The following CSMD1 variants were observed in gnomAD, a reference collection of about 807,000 sequenced individuals.
The protein encoded by CSMD1 is CUB and Sushi multiple domains 1.
CSMD1 carries 213 observed loss-of-function variants against 417.5 expected under a neutral mutation model. That is an observed-to-expected ratio of 0.51 (90% CI 0.46 to 0.57). The LOEUF is 0.57. Ranked by LOEUF, CSMD1 falls within the 20% of genes least tolerant of loss-of-function variation. The pLI, the probability that CSMD1 is intolerant of heterozygous loss-of-function variation, is 0.00. For missense variants in CSMD1, 6,923 were observed against 4,529.7 expected (o/e 1.53, Z -15.17); for synonymous variants, 2,862 against 1,736.8 (o/e 1.65, Z -16.11).
intron 5 of CSMD1, among the ~76,000 whole-genome samples, chr8:3,950,627 G>C (rs1811538301): frequency 6.6e-6 from 1 of 152,196 alleles, no homozygotes; most frequent in Non-Finnish European, 1.5e-5. Context: ...GCAGGAACGT[G>C]TTTGATCTTT....
intron 3 of CSMD1, among the ~76,000 whole-genome samples, chr8:4,230,927 C>T (rs773180214): frequency 1.3e-5 from 2 of 149,648 alleles, no homozygotes; most frequent in African/African-American, 2.6e-5. Flanking sequence ...TTTTTAATCT[C>T]CTGTTTTTTT....
chr8:4,770,189 T>G (rs978508593), intron 1 of CSMD1, among the ~76,000 whole-genome samples: 1 of 149,580 alleles, frequency 6.7e-6, no homozygotes, highest in African/African-American at 2.4e-5. Context: ...ATTTTTATAT[T>G]CCTATATACT....
At chr8:3,810,200 G>C (rs1002514952) in intron 5 of CSMD1, among the ~76,000 whole-genome samples, 3 of 152,140 alleles carry the variant, frequency 2.0e-5, no homozygotes, top group African/African-American at 4.8e-5. Context: ...CAATGAGTCA[G>C]GACAGTCTAG....
chr8:4,974,238 C>T (rs1263113485), intron 1 of CSMD1, among the ~76,000 whole-genome samples: 1 of 151,296 alleles, frequency 6.6e-6, no homozygotes, highest in Non-Finnish European at 1.5e-5. Flanking sequence ...GTTGGCCAGG[C>T]TGGTCTTGAA....
intron 5 of CSMD1, among the ~76,000 whole-genome samples, chr8:3,981,321 C>A (rs1040678922): frequency 2.0e-5 from 3 of 151,882 alleles, no homozygotes; most frequent in Non-Finnish European, 4.4e-5. Context: ...AGAATGATAA[C>A]AGCGGATTTT....
At chr8:4,561,502 G>C (rs1246398203) in intron 2 of CSMD1, among the ~76,000 whole-genome samples, 4 of 152,146 alleles carry the variant, frequency 2.6e-5, no homozygotes, top group Non-Finnish European at 5.9e-5. Flanking sequence ...GGGCAACATG[G>C]TGAAACCCTG....
rs191320263 is a variant in CSMD1 at position 3,454,672 on chromosome 8, G to A, written c.1561+14040C>T. Among the ~76,000 whole-genome samples, 1,262 of 152,240 alleles carry A rather than the reference G, an allele frequency of 8.3e-3. 6 individuals are homozygous for A. Among genetic ancestry groups the A allele is most frequent in the Middle Eastern group, 0.014 (4 of 294 alleles). Reference sequence around the variant, plus strand: ...CTCTTCTGGCTTGTAGAGTTTCTGCGGAGAGATCAGCTGTTAGTCTGATGG... The same window carrying A: ...CTCTTCTGGCTTGTAGAGTTTCTGCAGAGAGATCAGCTGTTAGTCTGATGG... On this transcript the variant is annotated intron_variant, in intron 12 of 69. Transcript: ENST00000635120.
intron 8 of CSMD1, among the ~76,000 whole-genome samples, chr8:3,593,920 G>A (rs370343859): frequency 9.2e-5 from 14 of 151,918 alleles, no homozygotes; most frequent in South Asian, 6.2e-4. Context: ...TTCCCAATAC[G>A]TAGAATCAGT....
intron 3 of CSMD1, among the ~76,000 whole-genome samples, chr8:4,203,470 A>C (rs929279960): frequency 1.3e-5 from 2 of 152,168 alleles, no homozygotes; most frequent in Non-Finnish European, 2.9e-5. Context: ...TTCTTTCTAT[A>C]ATGAAGAAAA....
chr8:4,109,758 A>G (rs1239098312), intron 3 of CSMD1, among the ~76,000 whole-genome samples: 2 of 152,184 alleles, frequency 1.3e-5, no homozygotes, highest in Admixed American at 1.3e-4. Flanking sequence ...GTCATGTAAC[A>G]TAAGACAGTT....
chr8:3,695,020 G>C (rs969769248), intron 7 of CSMD1, among the ~76,000 whole-genome samples: 1 of 151,754 alleles, frequency 6.6e-6, no homozygotes, highest in African/African-American at 2.4e-5. Context: ...ACGAAGACAT[G>C]AAAGGGAATT....
At chr8:4,053,873 A>T (rs898140671) in intron 3 of CSMD1, among the ~76,000 whole-genome samples, 2 of 152,194 alleles carry the variant, frequency 1.3e-5, no homozygotes, top group African/African-American at 4.8e-5. Flanking sequence ...CTATACATGA[A>T]ATTAGTTGCT....
At chr8:4,941,609 T>C (rs987630663) in intron 1 of CSMD1, among the ~76,000 whole-genome samples, 1 of 151,688 alleles carries the variant, frequency 6.6e-6, no homozygotes, top group African/African-American at 2.4e-5. Flanking sequence ...TTAATTTTTA[T>C]TTTTTTTGAG....
intron 39 of CSMD1, 71 bp downstream of exon 39, chr8:3,157,826 C>G: frequency 7.9e-7 from 1 of 1,260,274 alleles, no homozygotes; most frequent in Non-Finnish European, 1.1e-6. Flanking sequence ...ATTCTTTGAC[C>G]CCAAGAGTAG....
intron 3 of CSMD1, among the ~76,000 whole-genome samples, chr8:4,377,160 T>C (rs767168711): frequency 1.3e-5 from 2 of 152,188 alleles, no homozygotes; most frequent in Non-Finnish European, 2.9e-5. Flanking sequence ...TTTTAAACAG[T>C]GGGATTATAG....
intron 6 of CSMD1, among the ~76,000 whole-genome samples, chr8:3,738,581 A>G (rs1796641729): frequency 6.6e-6 from 1 of 152,170 alleles, no homozygotes; most frequent in African/African-American, 2.4e-5. Flanking sequence ...TGCTCTTGTC[A>G]CGGGGATGGC....
At chr8:3,891,639 C>T (rs1207958216) in intron 5 of CSMD1, among the ~76,000 whole-genome samples, 1 of 151,726 alleles carries the variant, frequency 6.6e-6, no homozygotes, top group Non-Finnish European at 1.5e-5. Flanking sequence ...GCTGTGATCA[C>T]ACCACTGCAC....
chr8:3,886,683 A>T (rs559192709), intron 5 of CSMD1, among the ~76,000 whole-genome samples: 1 of 152,182 alleles, frequency 6.6e-6, no homozygotes, highest in African/African-American at 2.4e-5. Flanking sequence ...TTCAAAACCT[A>T]CTACATGTTA....
At chr8:4,071,723 C>T (rs1443994716) in intron 3 of CSMD1, among the ~76,000 whole-genome samples, 1 of 152,108 alleles carries the variant, frequency 6.6e-6, no homozygotes, top group Admixed American at 6.5e-5. Flanking sequence ...TGTTATGCTC[C>T]TCCAAAAAGT....
Sources: allele counts gnomAD v4.1 joint callset (sites outside exome capture counted in the v4.1 genomes callset), GRCh38; gene constraint gnomAD v4.1.1; transcripts MANE v1.5; gene names NCBI Gene and HGNC (gene_info 2026-07-23, HGNC 2026-07-21).